STK32B: variants seen among roughly 807,000 people sequenced by gnomAD.
STK32B encodes serine/threonine-protein kinase 32B.
A neutral mutation model predicts 52.6 loss-of-function variants in STK32B; 43 were observed. That is an observed-to-expected ratio of 0.82 (90% CI 0.64 to 1.05). The LOEUF (loss-of-function observed/expected upper bound fraction) is 1.05, where lower values mean the gene tolerates loss of function less well. STK32B is among the 50% of genes least tolerant of loss of function. The pLI, the probability that STK32B is intolerant of heterozygous loss-of-function variation, is 0.00. For synonymous variants in STK32B, 238 were observed against 204.3 expected (o/e 1.17, Z -1.41); for missense variants, 621 against 534.6 (o/e 1.16, Z -1.59).
chr4:5,374,779 C>G (rs10011113), intron 4 of STK32B, among the ~76,000 whole-genome samples: 36,368 of 134,976 alleles, frequency 0.27, 5,470 homozygotes, highest in African/African-American at 0.45. Flanking sequence ...TTGACGGGGG[C>G]GGGGGGGGAA....
intron 3 of STK32B, among the ~76,000 whole-genome samples, chr4:5,238,526 A>G (rs1724787067): frequency 6.6e-6 from 1 of 152,212 alleles, no homozygotes; most frequent in Non-Finnish European, 1.5e-5. Context: ...TTACACATGA[A>G]CATGACCTCC....
the STK32B span, among the ~76,000 whole-genome samples, chr4:5,034,201 A>G: frequency 6.6e-6 from 1 of 152,226 alleles, no homozygotes; most frequent in Admixed American, 6.5e-5. Context: ...TTTGTTCAGC[A>G]GAGATTTATT....
At chr4:5,020,633 C>T in the STK32B span, among the ~76,000 whole-genome samples, 1 of 152,174 alleles carries the variant, frequency 6.6e-6, no homozygotes, top group Non-Finnish European at 1.5e-5. Flanking sequence ...GCCATTCTTC[C>T]ATCCCACAGG....
chr4:5,285,556 A>C (rs1033578394), intron 3 of STK32B, among the ~76,000 whole-genome samples: 1 of 152,186 alleles, frequency 6.6e-6, no homozygotes, highest in Non-Finnish European at 1.5e-5. Flanking sequence ...ATTTTTTAGG[A>C]TCCTGAGAAT....
intron 3 of STK32B, among the ~76,000 whole-genome samples, chr4:5,175,108 G>A (rs181229918): frequency 7.6e-4 from 115 of 152,228 alleles, no homozygotes; most frequent in African/African-American, 2.7e-3. Context: ...ACTGAGGCTT[G>A]TGCATTCGTC....
chr4:5,408,004 C>T (rs1217537870), intron 5 of STK32B, among the ~76,000 whole-genome samples: 1 of 152,114 alleles, frequency 6.6e-6, no homozygotes, highest in Non-Finnish European at 1.5e-5. Context: ...GAAGTTGCCA[C>T]CTCTGAACCA....
the STK32B span, among the ~76,000 whole-genome samples, chr4:5,026,081 T>G: frequency 6.6e-6 from 1 of 152,364 alleles, no homozygotes; most frequent in African/African-American, 2.4e-5. Context: ...GAGGAGATCC[T>G]TCCAGCAGAT....
At chr4:5,201,295 G>A (rs536907134) in intron 3 of STK32B, among the ~76,000 whole-genome samples, 2 of 152,286 alleles carry the variant, frequency 1.3e-5, no homozygotes, top group East Asian at 3.9e-4. Flanking sequence ...GTTTCTGGGG[G>A]TGTAGTGAGC....
chr4:5,214,854 C>T (rs1188511745), intron 3 of STK32B, among the ~76,000 whole-genome samples: 1 of 152,152 alleles, frequency 6.6e-6, no homozygotes, highest in African/African-American at 2.4e-5. Flanking sequence ...GAGGTATGAA[C>T]AAAGTGTTAA....
intron 1 of STK32B, among the ~76,000 whole-genome samples, chr4:5,128,839 C>T (rs1715574720): frequency 6.6e-6 from 1 of 152,196 alleles, no homozygotes; most frequent in Non-Finnish European, 1.5e-5. Context: ...GAAAGGGAAG[C>T]TGTGTGCAGA....
chr4:5,098,217 G>A (rs1713508599), intron 1 of STK32B, among the ~76,000 whole-genome samples: 1 of 152,258 alleles, frequency 6.6e-6, no homozygotes, highest in South Asian at 2.1e-4. Context: ...GGTATGGAAA[G>A]CAGTGAAAAG....
At chr4:5,078,323 C>T (rs2108773039) in intron 1 of STK32B, among the ~76,000 whole-genome samples, 1 of 152,096 alleles carries the variant, frequency 6.6e-6, no homozygotes, top group Admixed American at 6.6e-5. Context: ...TCAAAGAAAA[C>T]CAGGAAGAAA....
At chr4:5,166,857 C>G (rs1192930884) in intron 2 of STK32B, among the ~76,000 whole-genome samples, 2 of 152,164 alleles carry the variant, frequency 1.3e-5, no homozygotes, top group South Asian at 4.1e-4. Flanking sequence ...TGCTAACCGT[C>G]CAAGGAACCA....
chr4:5,152,563 C>T (rs921541311), intron 2 of STK32B, among the ~76,000 whole-genome samples: 10 of 152,254 alleles, frequency 6.6e-5, no homozygotes, highest in African/African-American at 2.2e-4. Flanking sequence ...CCCCGGTGGG[C>T]TTCTGGAGCC....
intron 3 of STK32B, among the ~76,000 whole-genome samples, chr4:5,176,981 A>T (rs1171393242): frequency 1.3e-5 from 2 of 152,218 alleles, no homozygotes; most frequent in African/African-American, 4.8e-5. Context: ...TCATAATGAC[A>T]TTATAATGCC....
chr4:5,098,616 C>T (rs912453042), intron 1 of STK32B, among the ~76,000 whole-genome samples: 2 of 152,322 alleles, frequency 1.3e-5, no homozygotes, highest in Non-Finnish European at 2.9e-5. Context: ...TGAGACTTCT[C>T]AAGGTGAAAT....
intron 4 of STK32B, among the ~76,000 whole-genome samples, chr4:5,390,939 G>C (rs150330159): frequency 5.5e-4 from 83 of 149,910 alleles, no homozygotes; most frequent in African/African-American, 1.8e-3. Flanking sequence ...GGCCTTCTCT[G>C]TGTCTACCTG....
At chr4:5,319,583 A>G (rs796632574) in intron 3 of STK32B, among the ~76,000 whole-genome samples, 5 of 152,234 alleles carry the variant, frequency 3.3e-5, no homozygotes, top group African/African-American at 1.2e-4. Flanking sequence ...CCAGGCATAC[A>G]GAGCTGGAAT....
rs372474199 is a variant in STK32B, at chr4:5,380,748, G to T, written c.435-17459G>T. On this transcript the variant is annotated intron_variant, in intron 4 of 11. Transcript: ENST00000282908. The surrounding 1 kb of genome is among the most constrained non-coding windows in gnomAD (Gnocchi z 4.3). ...GGCCCTGCATTTTCTTTTTGCACTGGACTCCACCCATTTTGTAGCTGACAC... is the reference window on the plus strand; with the variant it reads ...GGCCCTGCATTTTCTTTTTGCACTGTACTCCACCCATTTTGTAGCTGACAC... Among the ~76,000 whole-genome samples, 5 of 152,222 alleles carry T rather than the reference G, an allele frequency of 3.3e-5. No homozygotes were observed. Among genetic ancestry groups the T allele is most frequent in the Admixed American group, 1.3e-4 (2 of 15,292 alleles).
Sources: gnomAD v4.1 joint callset for allele counts (sites outside exome capture counted in the v4.1 genomes callset) on GRCh38, gnomAD v4.1.1 for gene constraint, Gnocchi (gnomAD v3.1) non-coding constraint, MANE v1.5 for transcripts, NCBI Gene and HGNC (gene_info 2026-07-23, HGNC 2026-07-21) for gene names.